The following PPP2R2C variants were observed in gnomAD, a reference collection of about 807,000 sequenced individuals.
PPP2R2C encodes protein phosphatase 2, regulatory subunit B, gamma.
A neutral mutation model predicts 45.3 loss-of-function variants in PPP2R2C; 10 were observed. The ratio of observed to expected loss-of-function variants is 0.22; its 90% CI spans 0.14 to 0.37. PPP2R2C has a LOEUF of 0.37. Ranked by LOEUF, PPP2R2C falls within the 10% of genes least tolerant of loss-of-function variation. PPP2R2C has a pLI of 1.00. For synonymous variants in PPP2R2C, 257 were observed against 245.4 expected (o/e 1.05, Z -0.44); for missense variants, 308 against 619.7 (o/e 0.50, Z 5.34).
In PPP2R2C at chr4:6,413,938, C is replaced by T. The variant is rs1295809303; in HGVS notation, c.71-32844G>A. The T allele has an allele frequency of 2.6e-6, 4 of 1,536,180 alleles. No homozygotes were observed. In the South Asian group the frequency reaches 3.6e-5, roughly 14 times the overall value. ...CTTTCCCATCAGCGTCTTCGTTATA[C>T]TCAATCAGAATGAGGCTGCTCCCTG... is the stretch of plus-strand genomic sequence containing the variant. On this transcript the variant is annotated intron_variant, in intron 1 of 8. Coordinates refer to ENST00000382599, the MANE Select transcript of PPP2R2C (RefSeq NM_020416.4).
intron 1 of PPP2R2C, among the ~76,000 whole-genome samples, chr4:6,405,884 C>T (rs1284239645): frequency 6.6e-6 from 1 of 152,118 alleles, no homozygotes; most frequent in Non-Finnish European, 1.5e-5. Flanking sequence ...TCATCAAAAC[C>T]CATCTTGGTG....
chr4:6,507,382 G>A (rs918693253), intron 2 of PPP2R2C, among the ~76,000 whole-genome samples: 3 of 152,214 alleles, frequency 2.0e-5, no homozygotes, highest in Non-Finnish European at 4.4e-5. Context: ...AACGTCGCAG[G>A]AAAGCCTTGA....
chr4:6,508,667 C>T lies in PPP2R2C; in HGVS notation c.49+26604G>A, dbSNP rs114775047. On this transcript the variant is annotated intron_variant, in intron 2 of 9. Coordinates refer to the PPP2R2C transcript ENST00000506140. ...GCTTCCTGACAGGATCTGAGTTGGG[C>T]GAGTGGGCTCAAACATGCACACTAA... is the stretch of plus-strand genomic sequence containing the variant. Among the ~76,000 whole-genome samples the T allele has an allele frequency of 5.7e-3, 873 of 152,230 alleles. 11 individuals carry two copies. Among genetic ancestry groups the T allele is most frequent in the African/African-American group, 0.02 (836 of 41,544 alleles).
intron 1 of PPP2R2C, among the ~76,000 whole-genome samples, chr4:6,470,614 G>C (rs941543962): frequency 2.6e-5 from 4 of 152,156 alleles, no homozygotes; most frequent in Non-Finnish European, 5.9e-5. Flanking sequence ...CCAGGCCACC[G>C]AGGCACGGGC....
At chr4:6,409,841 T>C (rs1227279868) in intron 1 of PPP2R2C, among the ~76,000 whole-genome samples, 2 of 152,134 alleles carry the variant, frequency 1.3e-5, no homozygotes, top group Non-Finnish European at 1.5e-5. Flanking sequence ...CCTTTTATCC[T>C]CCAAGCCTTT....
At position 6,321,479 on chromosome 4, in the gene PPP2R2C, A is replaced by T. The variant is rs1286631580; in HGVS notation, c.*1823T>A. The T allele has an allele frequency of 6.6e-6, 1 of 152,210 alleles. No homozygotes were observed. The highest frequency in any genetic ancestry group is 1.5e-5 in the Non-Finnish European group (1 of 67,954). 9.4% of individuals were successfully genotyped at this position (152,210 alleles called of 1,614,324 possible). On this transcript the variant is annotated 3_prime_UTR_variant, in exon 9 of 9. Coordinates refer to ENST00000382599, the MANE Select transcript of PPP2R2C (RefSeq NM_020416.4). ...AGTGATATATAAACAAACATTCTTC[A>T]TTCACGTTGATTAAAAAAAAATCAA...
intron 1 of PPP2R2C, among the ~76,000 whole-genome samples, chr4:6,554,922 GGAAGGAAGGAAAGAAAGAAAGAAA>G (rs1247947445): frequency 1.7e-4 from 16 of 93,466 alleles, no homozygotes; most frequent in Non-Finnish European, 2.2e-4. Flanking sequence ...AAGGAAGGAA[GGAAGGAAGGAAAGAAAGAAAGAAA>G]GAAAGAAAGA....
At chr4:6,502,254 A>G (rs1030425160) in intron 2 of PPP2R2C, among the ~76,000 whole-genome samples, 3 of 152,208 alleles carry the variant, frequency 2.0e-5, no homozygotes, top group African/African-American at 7.2e-5. Flanking sequence ...CCAAGCCACA[A>G]CTGAGCCTAA....
intron 1 of PPP2R2C, among the ~76,000 whole-genome samples, chr4:6,450,912 C>T (rs986386149): frequency 4.6e-5 from 7 of 152,144 alleles, no homozygotes; most frequent in South Asian, 2.1e-4. Flanking sequence ...CCTCCATCGG[C>T]GGACACTTCA....
At chr4:6,562,281 C>T (rs578198727) in intron 1 of PPP2R2C, among the ~76,000 whole-genome samples, 2 of 152,304 alleles carry the variant, frequency 1.3e-5, no homozygotes, top group South Asian at 4.1e-4. Flanking sequence ...CCGTCCCCTC[C>T]ATGTTGCTGA....
intron 1 of PPP2R2C, among the ~76,000 whole-genome samples, chr4:6,432,769 T>G (rs945337737): frequency 6.6e-6 from 1 of 152,134 alleles, no homozygotes; most frequent in Non-Finnish European, 1.5e-5. Context: ...TAGGAAAAAA[T>G]CTTTAGGCTT....
At chr4:6,359,704 C>G (rs1301977569) in intron 5 of PPP2R2C, among the ~76,000 whole-genome samples, 2 of 151,934 alleles carry the variant, frequency 1.3e-5, no homozygotes, top group African/African-American at 4.8e-5. Flanking sequence ...CACGCGAGCT[C>G]AGCCACACCA....
chr4:6,540,838 T>C (rs1724784115), intron 1 of PPP2R2C, among the ~76,000 whole-genome samples: 1 of 152,230 alleles, frequency 6.6e-6, no homozygotes, highest in Admixed American at 6.5e-5. Flanking sequence ...CTGTATCAGT[T>C]AGGAGCTGTG....
chr4:6,358,817 A>C (rs1462883785), intron 5 of PPP2R2C, among the ~76,000 whole-genome samples: 1 of 152,232 alleles, frequency 6.6e-6, no homozygotes, highest in South Asian at 2.1e-4. Context: ...ACCAGCTACA[A>C]TGGCGATCAT....
At chr4:6,525,525 C>G (rs78828420) in intron 2 of PPP2R2C, among the ~76,000 whole-genome samples, 17 of 152,136 alleles carry the variant, frequency 1.1e-4, no homozygotes, top group African/African-American at 4.1e-4. Flanking sequence ...AGTTCCAGGC[C>G]ACAATGGGAC....
intron 1 of PPP2R2C, among the ~76,000 whole-genome samples, chr4:6,422,020 T>C (rs868029708): frequency 2.6e-5 from 4 of 151,700 alleles, no homozygotes; most frequent in Middle Eastern, 3.5e-3. Flanking sequence ...ATCATGCCCC[T>C]GAGACGCTGC....
intron 1 of PPP2R2C, among the ~76,000 whole-genome samples, chr4:6,437,089 A>C (rs1719931449): frequency 6.6e-6 from 1 of 152,234 alleles, no homozygotes; most frequent in East Asian, 1.9e-4. Flanking sequence ...AGCACGCCAC[A>C]GTCCCCACCA....
chr4:6,429,865 G>T (rs1719522490), intron 1 of PPP2R2C, among the ~76,000 whole-genome samples: 1 of 152,130 alleles, frequency 6.6e-6, no homozygotes, highest in Non-Finnish European at 1.5e-5. Context: ...TGGCATGGGG[G>T]CCAGCTGGAT....
intron 2 of PPP2R2C, among the ~76,000 whole-genome samples, chr4:6,520,476 G>A (rs1560600075): frequency 6.6e-6 from 1 of 152,230 alleles, no homozygotes; most frequent in Non-Finnish European, 1.5e-5. Flanking sequence ...AATACTGTCA[G>A]GGTGACAAAT....
Sources: allele counts gnomAD v4.1 joint callset (sites outside exome capture counted in the v4.1 genomes callset), GRCh38; gene constraint gnomAD v4.1.1; transcripts MANE v1.5; gene names NCBI Gene and HGNC (gene_info 2026-07-23, HGNC 2026-07-21).